The following RANBP2 variants were observed in gnomAD, a reference collection of about 807,000 sequenced individuals.
RANBP2 encodes the protein RAN binding protein 2, also known as E3 SUMO-protein ligase RanBP2.
RANBP2 carries 57 observed loss-of-function variants against 303.6 expected under a neutral mutation model. The observed-to-expected ratio is 0.19, with a 90% CI of 0.15 to 0.23. The LOEUF (loss-of-function observed/expected upper bound fraction) is 0.23. Among genes scored for constraint, RANBP2 ranks in the 10% least tolerant of loss-of-function variants. RANBP2 has a pLI of 1.00. For missense variants in RANBP2, 3,138 were observed against 3,780.8 expected (o/e 0.83, Z 4.46); for synonymous variants, 1,167 against 1,301.5 (o/e 0.90, Z 2.23).
the RANBP2 span, among the ~76,000 whole-genome samples, chr2:109,763,451 C>T: frequency 1.3e-5 from 2 of 150,186 alleles, 1 homozygote; most frequent in Non-Finnish European, 2.9e-5. Flanking sequence ...CAAATCCAGT[C>T]AGACAATTGC....
At chr2:109,119,112 G>A in the RANBP2 span, among the ~76,000 whole-genome samples, 1 of 152,224 alleles carries the variant, frequency 6.6e-6, no homozygotes, top group Non-Finnish European at 1.5e-5. Flanking sequence ...CTGAGAGCTT[G>A]GTAGGAGCTC....
chr2:108,902,207 C>CAAA, the RANBP2 span, among the ~76,000 whole-genome samples: 1 of 82,598 alleles, frequency 1.2e-5, no homozygotes. Context: ...GACTCCGTCT[C>CAAA]AAAAAAAAAA....
At chr2:109,442,619 T>C in the RANBP2 span, among the ~76,000 whole-genome samples, 1 of 152,190 alleles carries the variant, frequency 6.6e-6, no homozygotes, top group Admixed American at 6.5e-5. Flanking sequence ...TATACTACTG[T>C]AACATTCTTA....
chr2:108,968,373 T>G, the RANBP2 span, among the ~76,000 whole-genome samples: 1 of 152,164 alleles, frequency 6.6e-6, no homozygotes, highest in Non-Finnish European at 1.5e-5. Flanking sequence ...TATAGAAAAA[T>G]AATTGTACAT....
chr2:108,900,648 A>G, the RANBP2 span, among the ~76,000 whole-genome samples: 5 of 152,186 alleles, frequency 3.3e-5, no homozygotes, highest in Non-Finnish European at 7.3e-5. Flanking sequence ...AAATTTTCCC[A>G]GTTATATGCT....
At chr2:109,253,247 G>A in the RANBP2 span, among the ~76,000 whole-genome samples, 3 of 152,158 alleles carry the variant, frequency 2.0e-5, no homozygotes, top group Admixed American at 1.3e-4. Flanking sequence ...TTGAACTCCT[G>A]ACCTGAAGTG....
the RANBP2 span, among the ~76,000 whole-genome samples, chr2:109,059,734 T>C: frequency 4.6e-5 from 7 of 152,254 alleles, no homozygotes; most frequent in South Asian, 1.5e-3. Context: ...TCCTGCAGAA[T>C]GTAGGCTGAC....
chr2:109,311,678 G>C, the RANBP2 span, among the ~76,000 whole-genome samples: 1 of 152,212 alleles, frequency 6.6e-6, no homozygotes, highest in Non-Finnish European at 1.5e-5. Context: ...CCAGTCTGTG[G>C]ACATGCCTTT....
At chr2:108,921,441 G>A in the RANBP2 span, among the ~76,000 whole-genome samples, 2 of 152,212 alleles carry the variant, frequency 1.3e-5, no homozygotes, top group South Asian at 4.1e-4. Context: ...GAGGGCCCAG[G>A]TAAATCAAGA....
At chr2:109,161,595 C>A in the RANBP2 span, among the ~76,000 whole-genome samples, 1 of 151,844 alleles carries the variant, frequency 6.6e-6, no homozygotes, top group Admixed American at 6.6e-5. Flanking sequence ...TTATTTGGGT[C>A]ACAATTCTGC....
chr2:108,896,815 G>A, the RANBP2 span: 1 of 1,302,738 alleles, frequency 7.7e-7, no homozygotes, highest in Non-Finnish European at 1.1e-6. Context: ...CAAAAGCCTT[G>A]ATTCTTGGCA....
the RANBP2 span, among the ~76,000 whole-genome samples, chr2:109,440,426 C>T: frequency 2.6e-3 from 394 of 152,226 alleles, no homozygotes; most frequent in African/African-American, 8.7e-3. Context: ...TTCTAGACCA[C>T]GTAAGGAATT....
At chr2:108,838,361 C>T in the RANBP2 span, among the ~76,000 whole-genome samples, 1 of 152,136 alleles carries the variant, frequency 6.6e-6, no homozygotes, top group Non-Finnish European at 1.5e-5. Context: ...ACACAATACA[C>T]TCATAATCAT....
At chr2:109,286,085 A>T in the RANBP2 span, among the ~76,000 whole-genome samples, 1 of 152,188 alleles carries the variant, frequency 6.6e-6, no homozygotes. Flanking sequence ...TCAGGTGCCT[A>T]TCATTACATG....
chr2:108,918,101 AAG>A, the RANBP2 span, among the ~76,000 whole-genome samples: 2 of 152,192 alleles, frequency 1.3e-5, no homozygotes, highest in Admixed American at 6.5e-5. Context: ...TTAAAAGGAA[AAG>A]AGAGCGGTCT....
chr2:109,522,976 G>A, the RANBP2 span, among the ~76,000 whole-genome samples: 1 of 152,176 alleles, frequency 6.6e-6, no homozygotes, highest in Non-Finnish European at 1.5e-5. Context: ...TTTAGAGTAA[G>A]TGCTAAAAGG....
chr2:109,733,704 A>G, the RANBP2 span, among the ~76,000 whole-genome samples: 2 of 151,900 alleles, frequency 1.3e-5, no homozygotes, highest in African/African-American at 2.4e-5. Flanking sequence ...AATACACGAA[A>G]AAACAAAAAA....
At chr2:109,033,833 G>A in the RANBP2 span, among the ~76,000 whole-genome samples, 4 of 146,522 alleles carry the variant, frequency 2.7e-5, no homozygotes, top group East Asian at 2.1e-4. Flanking sequence ...GCGGGCACCT[G>A]TAGTCCCAGC....
chr2:108,805,942 C>T, the RANBP2 span, among the ~76,000 whole-genome samples: 4 of 151,952 alleles, frequency 2.6e-5, no homozygotes, highest in East Asian at 1.9e-4. Context: ...GAGTAAACCC[C>T]GTCACTTTGA....
Sources: gnomAD v4.1 joint callset for allele counts (sites outside exome capture counted in the v4.1 genomes callset) on GRCh38, gnomAD v4.1.1 for gene constraint, MANE v1.5 for transcripts, NCBI Gene and HGNC (gene_info 2026-07-23, HGNC 2026-07-21) for gene names.